TRPM3: variants seen among roughly 807,000 people sequenced by gnomAD.
TRPM3 encodes the protein long transient receptor potential channel 3.
TRPM3 carries 77 observed loss-of-function variants against 181.2 expected under a neutral mutation model. The ratio of observed to expected loss-of-function variants is 0.42; its 90% confidence interval spans 0.35 to 0.51. The LOEUF is 0.51. Among genes scored for constraint, TRPM3 ranks in the 20% least tolerant of loss-of-function variants. The probability of loss-of-function intolerance (pLI) is 0.01; values close to 1 mark genes in which losing one functional copy is unlikely to be tolerated. For missense variants in TRPM3, 1,759 were observed against 2,196.7 expected, an observed-to-expected ratio of 0.80 and a Z score of 3.98; for synonymous variants, 745 against 796.4, an observed-to-expected ratio of 0.94 and a Z score of 1.09.
At position 70,603,526 on chromosome 9, in the gene TRPM3, C is replaced by T. The variant is rs947016833; in HGVS notation, c.2668-56G>A. On this transcript the variant is annotated intron_variant, in intron 19 of 25. Coordinates refer to ENST00000677713, the MANE Select transcript of TRPM3 (RefSeq NM_001366145.2). ...TGTTCAGGCCCAGGAGCCCCAGCAT[C>T]AGCCAAGGCCACTGCACAGCAGCAC... 5.6e-6 allele frequency: 9 copies of T among 1,600,320 alleles called. No homozygotes were observed. In the African/African-American group the frequency reaches 8.0e-5, roughly 14 times the overall value.
chr9:70,807,052 A>G (rs575774678), intron 6 of TRPM3, among the ~76,000 whole-genome samples: 2 of 152,314 alleles, frequency 1.3e-5, no homozygotes, highest in East Asian at 3.9e-4. Context: ...AAAACTGTTG[A>G]TCATGGCAGA....
intron 1 of TRPM3, among the ~76,000 whole-genome samples, chr9:71,111,243 T>C (rs995141360): frequency 2.0e-5 from 3 of 152,210 alleles, no homozygotes; most frequent in Non-Finnish European, 2.9e-5. Flanking sequence ...AATTTCAATT[T>C]CTTGTAAAAT....
At chr9:71,415,625 G>A (rs1274990472) in intron 1 of TRPM3, among the ~76,000 whole-genome samples, 1 of 151,910 alleles carries the variant, frequency 6.6e-6, no homozygotes, top group Non-Finnish European at 1.5e-5. Flanking sequence ...AATCTCAGCT[G>A]CTGTATATGA....
At chr9:71,294,620 T>C (rs1261724781) in intron 1 of TRPM3, among the ~76,000 whole-genome samples, 4 of 152,168 alleles carry the variant, frequency 2.6e-5, no homozygotes, top group African/African-American at 9.6e-5. Context: ...TATAAACCTA[T>C]GACTAATTCT....
chr9:71,398,942 C>A (rs1023020718), intron 1 of TRPM3, among the ~76,000 whole-genome samples: 109 of 152,034 alleles, frequency 7.2e-4, no homozygotes, highest in African/African-American at 2.5e-3. Flanking sequence ...TCTTTTTCAT[C>A]TATTAAAGAA....
At chr9:70,989,261 A>T (rs2134104710) in intron 1 of TRPM3, among the ~76,000 whole-genome samples, 1 of 152,234 alleles carries the variant, frequency 6.6e-6, no homozygotes, top group East Asian at 1.9e-4. Flanking sequence ...TAACATAAAT[A>T]AGAAATGACG....
At position 70,596,049 on chromosome 9, in the gene TRPM3, A is replaced by G. The variant is rs2058959627; in HGVS notation, c.3048+2370T>C. ...ACCAATTTTTCCTTTCTTTCATTGTATTTAAAAAATGCAATTTGAACATAA... is the reference window on the plus strand; with the variant it reads ...ACCAATTTTTCCTTTCTTTCATTGTGTTTAAAAAATGCAATTTGAACATAA... On this transcript the variant is annotated intron_variant, in intron 21 of 25. Transcript: ENST00000677713. 2.0e-5 allele frequency among the ~76,000 whole-genome samples: 3 copies of G among 152,304 alleles called. No homozygotes were observed. The East Asian group carries it at 5.8e-4, about 29-fold the overall frequency.
At chr9:70,695,694 C>T (rs943237459) in intron 8 of TRPM3, among the ~76,000 whole-genome samples, 2 of 152,202 alleles carry the variant, frequency 1.3e-5, no homozygotes, top group African/African-American at 2.4e-5. Flanking sequence ...CTAATGGTCA[C>T]TTATTGTGTA....
intron 17 of TRPM3, among the ~76,000 whole-genome samples, chr9:70,617,845 A>G (rs2063022577): frequency 6.6e-6 from 1 of 152,098 alleles, no homozygotes; most frequent in Non-Finnish European, 1.5e-5. Flanking sequence ...TGTGCCTATA[A>G]TCCCAGCTAC....
chr9:70,888,365 GTGTGTGT>G (rs1564692065), intron 1 of TRPM3, among the ~76,000 whole-genome samples: 64 of 90,472 alleles, frequency 7.1e-4, no homozygotes, highest in Non-Finnish European at 1.0e-3. Flanking sequence ...ATTTTGGGGT[GTGTGTGT>G]GTGTGTGTGT....
At chr9:71,161,012 G>A (rs2031976) in intron 1 of TRPM3, among the ~76,000 whole-genome samples, 12,812 of 152,126 alleles carry the variant, frequency 0.084, 585 homozygotes, top group African/African-American at 0.11. Context: ...CCTTGCTGTC[G>A]TTTCACTGAG....
chr9:71,356,334 C>G (rs756817331), intron 1 of TRPM3, among the ~76,000 whole-genome samples: 1 of 152,030 alleles, frequency 6.6e-6, no homozygotes, highest in Non-Finnish European at 1.5e-5. Context: ...TTTCCACCCC[C>G]CAATAGGCCC....
rs577005689 is a variant in TRPM3, at chr9:71,439,343, A to G, written c.183+7310T>C. ...ATTGTAACAAGTCTAGTCAACACCA[A>G]TATTTAGATAACTGTTTCCATTCAG... On this transcript the variant is annotated intron_variant, in intron 1 of 24. Transcript: ENST00000357533. Among the ~76,000 whole-genome samples, 14 of 152,334 alleles carry G rather than the reference A, an allele frequency of 9.2e-5. 1 individual carries two copies. The South Asian group carries it at 1.2e-3, about 14-fold the overall frequency.
At chr9:70,852,056 T>G (rs2095248978) in intron 3 of TRPM3, among the ~76,000 whole-genome samples, 1 of 135,700 alleles carries the variant, frequency 7.4e-6, no homozygotes, top group South Asian at 2.3e-4. Context: ...GAGGTGGAGG[T>G]TGCGGTGAGC....
intron 1 of TRPM3, among the ~76,000 whole-genome samples, chr9:71,379,974 T>C (rs1279506268): frequency 2.0e-5 from 3 of 152,050 alleles, no homozygotes; most frequent in Non-Finnish European, 4.4e-5. Context: ...ATGTGTTCAG[T>C]CCCTAGTTTC....
intron 1 of TRPM3, among the ~76,000 whole-genome samples, chr9:71,445,956 T>C (rs1173936507): frequency 1.3e-5 from 2 of 152,184 alleles, no homozygotes; most frequent in African/African-American, 4.8e-5. Context: ...AAAATGCAAA[T>C]GCAGCTAAAG....
At chr9:70,628,828 A>AAG (rs2065156549) in intron 12 of TRPM3, among the ~76,000 whole-genome samples, 1 of 150,744 alleles carries the variant, frequency 6.6e-6, no homozygotes, top group Admixed American at 6.6e-5. Context: ...TAAAAAAAAA[A>AAG]AAAAAAAAAA....
intron 1 of TRPM3, among the ~76,000 whole-genome samples, chr9:71,381,606 G>C (rs1588755462): frequency 6.6e-6 from 1 of 152,102 alleles, no homozygotes; most frequent in Admixed American, 6.6e-5. Context: ...TTACATGAAC[G>C]TAAACCTATG....
chr9:71,222,946 A>G (rs2080330725), intron 1 of TRPM3, among the ~76,000 whole-genome samples: 2 of 152,120 alleles, frequency 1.3e-5, no homozygotes, highest in South Asian at 2.1e-4. Flanking sequence ...TGGGGCTCCA[A>G]ATAAACTTGA....
Sources: allele counts gnomAD v4.1 joint callset (sites outside exome capture counted in the v4.1 genomes callset), GRCh38; gene constraint gnomAD v4.1.1; transcripts MANE v1.5; gene names NCBI Gene and HGNC (gene_info 2026-07-23, HGNC 2026-07-21).